GLIPR2: variants seen among roughly 807,000 people sequenced by gnomAD.
The protein encoded by GLIPR2 is Golgi-associated plant pathogenesis-related protein 1.
In GLIPR2, 21 loss-of-function variants were observed where a neutral mutation model predicts 20.4. That is an observed-to-expected ratio of 1.03 (90% confidence interval 0.73 to 1.48). The LOEUF (loss-of-function observed/expected upper bound fraction) is 1.48, where lower values mean the gene tolerates loss of function less well. Among genes scored for constraint, GLIPR2 ranks in the 40% most tolerant of loss-of-function variants. The probability of loss-of-function intolerance (pLI) is 0.00; values close to 1 mark genes in which losing one functional copy is unlikely to be tolerated. For synonymous variants in GLIPR2, 91 were observed against 80.5 expected (o/e 1.13, Z -0.70); for missense variants, 205 against 200.1 (o/e 1.02, Z -0.15).
chr9:36,162,623 T>C lies in GLIPR2; in HGVS notation c.*101T>C. The C allele has an allele frequency of 1.8e-6, 2 of 1,136,916 alleles. No homozygotes were observed. The highest frequency in any genetic ancestry group is 2.6e-5 in the South Asian group (2 of 75,610). The allele number at this position is 1,136,916 out of a possible 1,614,324, so 70.4% of individuals were successfully genotyped here. ...GTGCGTCTGTCCCTGTGGGTGTATGTGCTTGTGTGTGTGATGCATGTGAGC... is the reference window on the plus strand; with the variant it reads ...GTGCGTCTGTCCCTGTGGGTGTATGCGCTTGTGTGTGTGATGCATGTGAGC... On this transcript the variant is annotated 3_prime_UTR_variant, in exon 5 of 5. Transcript: ENST00000377960.
chr9:36,162,529 A>C lies in GLIPR2; in HGVS notation c.*7A>C. The C allele has an allele frequency of 6.2e-7, 1 of 1,614,086 alleles. No homozygotes were observed. The highest frequency in any genetic ancestry group is 8.5e-7 in the Non-Finnish European group (1 of 1,179,950). On this transcript the variant is annotated 3_prime_UTR_variant, in exon 5 of 5. Transcript: ENST00000377960. ...CCTGCCGCCGAAGAAGTAACTTGTT[A>C]AATGTAATGGGAAGGTGGCAGACTT...
chr9:36,161,728 C>T (rs1465736536), intron 4 of GLIPR2, among the ~76,000 whole-genome samples: 5 of 152,108 alleles, frequency 3.3e-5, no homozygotes, highest in Admixed American at 2.6e-4. Flanking sequence ...CACTGGAGAG[C>T]TTCAAGATTA....
At chr9:36,153,872 G>A (rs1315529293) in intron 4 of GLIPR2, among the ~76,000 whole-genome samples, 1 of 151,722 alleles carries the variant, frequency 6.6e-6, no homozygotes, top group African/African-American at 2.4e-5. Flanking sequence ...CTGCACTCCA[G>A]CCTGGGTGAC....
chr9:36,139,976 A>G (rs181761756), intron 1 of GLIPR2, among the ~76,000 whole-genome samples: 4 of 152,266 alleles, frequency 2.6e-5, no homozygotes, highest in Non-Finnish European at 5.9e-5. Flanking sequence ...AGTATTTTCT[A>G]TGTTACCATA....
intron 3 of GLIPR2, among the ~76,000 whole-genome samples, chr9:36,149,889 G>A (rs547099737): frequency 3.9e-5 from 6 of 152,278 alleles, no homozygotes; most frequent in Admixed American, 2.6e-4. Flanking sequence ...TTAGCCAGGC[G>A]TGGTGGCACA....
intron 1 of GLIPR2, among the ~76,000 whole-genome samples, chr9:36,143,773 C>T (rs1472443365): frequency 6.6e-6 from 1 of 152,182 alleles, no homozygotes; most frequent in Non-Finnish European, 1.5e-5. Context: ...GCCTGAATTC[C>T]TTCAGTGGTA....
chr9:36,143,681 G>A (rs959773746), intron 1 of GLIPR2, among the ~76,000 whole-genome samples: 1 of 152,142 alleles, frequency 6.6e-6, no homozygotes, highest in Non-Finnish European at 1.5e-5. Context: ...ACCCCAGCAG[G>A]ACCTTATGGG....
chr9:36,148,703 A>T (rs1825447621), intron 3 of GLIPR2, 53 bp downstream of exon 3: 1 of 1,262,450 alleles, frequency 7.9e-7, no homozygotes, highest in African/African-American at 1.5e-5. Flanking sequence ...AAGAAGGACA[A>T]GTCCTCCTGA....
chr9:36,162,509 C>T lies in GLIPR2; in HGVS notation c.452C>T (p.Pro151Leu), dbSNP rs756404338. 8.7e-6 allele frequency: 14 copies of T among 1,614,162 alleles called. No individual in the cohort carries two copies. The highest frequency in any genetic ancestry group is 2.7e-5 in the African/African-American group (2 of 75,026). ...GGCTTCTTCGAAGAAAACGTCCTGC[C>T]GCCGAAGAAGTAACTTGTTAAATGT... ...NEGFFEENVL[P>L]PKK The change falls in exon 5 of 5, where the codon CCG becomes CTG. Residue 151 changes from proline (P) to leucine (L), a missense_variant. Coordinates refer to ENST00000377960, the MANE Select transcript of GLIPR2 (RefSeq NM_022343.4).
At chr9:36,151,073 T>C (rs1296348807) in intron 4 of GLIPR2, 124 bp downstream of exon 4, 11 of 707,298 alleles carry the variant, frequency 1.6e-5, no homozygotes, top group Non-Finnish European at 2.8e-5. Flanking sequence ...ATCTCTTCCA[T>C]ATTTCTCTGG....
chr9:36,157,593 C>T (rs1347714923), intron 4 of GLIPR2, among the ~76,000 whole-genome samples: 2 of 151,676 alleles, frequency 1.3e-5, no homozygotes, highest in South Asian at 2.1e-4. Context: ...GTGATCCACC[C>T]GCCTTAGCTT....
intron 1 of GLIPR2, among the ~76,000 whole-genome samples, chr9:36,141,293 G>A (rs962055632): frequency 2.0e-5 from 3 of 152,014 alleles, no homozygotes. Context: ...TTTGGCTGTT[G>A]AAATTCCCGG....
chr9:36,139,305 C>T lies in GLIPR2; in HGVS notation c.13+2514C>T, dbSNP rs188190879. On this transcript the variant is annotated intron_variant, in intron 1 of 4. Coordinates refer to ENST00000377960, the MANE Select transcript of GLIPR2 (RefSeq NM_022343.4). ...CTGGTTGAGTCAGAGGCCACCTCCA[C>T]CCCTAACACACACACACACACCCAG... Among the ~76,000 whole-genome samples the T allele has an allele frequency of 3.9e-3, 600 of 152,128 alleles. 2 individuals are homozygous for T. Among genetic ancestry groups the T allele is most frequent in the African/African-American group, 0.014 (584 of 41,448 alleles).
chr9:36,161,362 G>T (rs1279344021), intron 4 of GLIPR2, among the ~76,000 whole-genome samples: 1 of 152,140 alleles, frequency 6.6e-6, no homozygotes, highest in African/African-American at 2.4e-5. Flanking sequence ...GTTTGGAAAG[G>T]TTAAATCTGA....
chr9:36,137,001 G>A, intron 1 of GLIPR2: 3 of 493,408 alleles, frequency 6.1e-6, no homozygotes, highest in Non-Finnish European at 9.5e-6. Context: ...GAGAGCCGGG[G>A]ATCGCGCCAA....
intron 1 of GLIPR2, among the ~76,000 whole-genome samples, chr9:36,138,475 A>T (rs946514217): frequency 1.3e-5 from 2 of 152,182 alleles, no homozygotes; most frequent in Admixed American, 1.3e-4. Flanking sequence ...TGCCTGCCTC[A>T]GCCTCCCAAA....
chr9:36,150,777 G>T, intron 3 of GLIPR2, 95 bp from the exon 4 acceptor site: 4 of 828,802 alleles, frequency 4.8e-6, no homozygotes, highest in Non-Finnish European at 8.0e-6. Context: ...TCTAATTGCC[G>T]CATTGGTGGC....
At chr9:36,148,725 G>A (rs3739613) in intron 3 of GLIPR2, 75 bp downstream of exon 3, 259,580 of 952,862 alleles carry the variant, frequency 0.27, 36,946 homozygotes, top group Non-Finnish European at 0.3. Context: ...ATGCCTCCTG[G>A]CCCCAGCACC....
In GLIPR2 at chr9:36,162,816, C is replaced by A. The variant is rs561354193; in HGVS notation, c.*294C>A. The A allele has an allele frequency of 1.2e-4, 57 of 475,010 alleles. No homozygotes were observed. The highest frequency in any genetic ancestry group is 2.6e-4 in the Admixed American group (8 of 30,202). The allele number at this position is 475,010 out of a possible 1,614,324, so 29.4% of individuals were successfully genotyped here. ...TAATTTTTTGTTATTTCTAAGCAAA[C>A]CTCTTTTGTACTTTTCTTACTTCTA... On this transcript the variant is annotated 3_prime_UTR_variant, in exon 5 of 5. Coordinates refer to ENST00000377960, the MANE Select transcript of GLIPR2 (RefSeq NM_022343.4).
Sources: allele counts gnomAD v4.1 joint callset (sites outside exome capture counted in the v4.1 genomes callset), GRCh38; gene constraint gnomAD v4.1.1; transcripts MANE v1.5; gene names NCBI Gene and HGNC (gene_info 2026-07-23, HGNC 2026-07-21).